The following AFF2 variants were observed in gnomAD, a reference collection of about 807,000 sequenced individuals.
AFF2 encodes ALF transcription elongation factor 2, also known as AF4/FMR2 family member 2.
In AFF2, 14 loss-of-function variants were observed where a neutral mutation model predicts 76.9. That is an observed-to-expected ratio of 0.18 (90% CI 0.12 to 0.28). The LOEUF (loss-of-function observed/expected upper bound fraction) is 0.28. AFF2 is among the 10% of genes least tolerant of loss of function. AFF2 has a pLI of 1.00. For synonymous variants in AFF2, 398 were observed against 366.7 expected (o/e 1.09, Z -0.98); for missense variants, 868 against 1,001.1 (o/e 0.87, Z 1.79).
intron 19 of AFF2, among the ~76,000 whole-genome samples, chrX:148,984,795 C>G (rs1360067625): frequency 9.0e-6 from 1 of 111,325 alleles, no homozygotes; most frequent in Non-Finnish European, 1.9e-5. Flanking sequence ...TCCTGTGACT[C>G]CTGGACATGA....
At chrX:148,654,153 A>C (rs2054228974) in intron 2 of AFF2, among the ~76,000 whole-genome samples, 1 of 111,862 alleles carries the variant, frequency 8.9e-6, no homozygotes, top group South Asian at 3.8e-4. Flanking sequence ...ACTCCAAAGG[A>C]ATGATCAGAG....
intron 1 of AFF2, among the ~76,000 whole-genome samples, chrX:148,522,465 A>G (rs782379405): frequency 8.0e-5 from 9 of 112,604 alleles, no homozygotes; most frequent in Non-Finnish European, 1.5e-4. Context: ...CATTGTGTCT[A>G]CAAAGCAATA....
chrX:148,904,820 A>C (rs2071390852), intron 9 of AFF2, among the ~76,000 whole-genome samples: 1 of 112,415 alleles, frequency 8.9e-6, no homozygotes, highest in Non-Finnish European at 1.9e-5. Flanking sequence ...TAAACAAGCT[A>C]CACAGACCTC....
chrX:148,773,641 A>G (rs12392559), intron 3 of AFF2, among the ~76,000 whole-genome samples: 1 of 99,517 alleles, frequency 1.0e-5, no homozygotes, highest in Non-Finnish European at 2.0e-5. Context: ...AAGGAAGGAA[A>G]GGAGGGAGGG....
At chrX:148,841,894 ATCT>A (rs1339206587) in intron 5 of AFF2, among the ~76,000 whole-genome samples, 1 of 111,713 alleles carries the variant, frequency 9.0e-6, no homozygotes, top group East Asian at 2.8e-4. Flanking sequence ...GTTTGTGGTA[ATCT>A]TCTGGAGTGG....
At chrX:148,981,749 C>A (rs1186368938) in intron 19 of AFF2, among the ~76,000 whole-genome samples, 1 of 112,286 alleles carries the variant, frequency 8.9e-6, no homozygotes, top group Admixed American at 9.4e-5. Flanking sequence ...ATTCCTGCAT[C>A]TCTGATCAAA....
intron 3 of AFF2, among the ~76,000 whole-genome samples, chrX:148,671,559 T>C (rs2054423618): frequency 9.0e-6 from 1 of 111,299 alleles, no homozygotes; most frequent in Non-Finnish European, 1.9e-5. Context: ...AGCCCAAACC[T>C]ATCTTGTTTG....
chrX:148,550,420 C>T (rs1557238735), intron 1 of AFF2, among the ~76,000 whole-genome samples: 3 of 111,465 alleles, frequency 2.7e-5, no homozygotes, highest in African/African-American at 9.8e-5. Flanking sequence ...AATTTTTCTT[C>T]TTTGTACTTT....
At chrX:148,673,702 G>A (rs2054449469) in intron 3 of AFF2, among the ~76,000 whole-genome samples, 1 of 111,805 alleles carries the variant, frequency 8.9e-6, no homozygotes, top group South Asian at 3.7e-4. Context: ...TAAGAATAGA[G>A]GGAGTCTATG....
intron 3 of AFF2, among the ~76,000 whole-genome samples, chrX:148,729,019 A>G (rs2055191904): frequency 8.9e-6 from 1 of 112,239 alleles, no homozygotes; most frequent in South Asian, 3.7e-4. Flanking sequence ...GCCTGTGTCT[A>G]CACACGTAGT....
intron 3 of AFF2, among the ~76,000 whole-genome samples, chrX:148,757,828 G>A (rs1251724991): frequency 1.8e-5 from 2 of 111,756 alleles, no homozygotes; most frequent in Non-Finnish European, 3.8e-5. Context: ...ATTCAAAAAG[G>A]TTAAACTCTC....
At chrX:148,964,637 C>A (rs1039310084) in intron 13 of AFF2, among the ~76,000 whole-genome samples, 14 of 111,337 alleles carry the variant, frequency 1.3e-4, no homozygotes, top group African/African-American at 4.6e-4. Flanking sequence ...GCGCCTAAGG[C>A]AAAGGGTAAA....
intron 1 of AFF2, among the ~76,000 whole-genome samples, chrX:148,527,041 C>T (rs1173227529): frequency 1.8e-5 from 2 of 111,826 alleles, no homozygotes; most frequent in African/African-American, 6.5e-5. Flanking sequence ...AAGTATTTCC[C>T]TACAAAATAT....
At chrX:148,880,097 A>G (rs971455987) in intron 7 of AFF2, among the ~76,000 whole-genome samples, 2 of 112,192 alleles carry the variant, frequency 1.8e-5, no homozygotes, top group Admixed American at 9.4e-5. Context: ...GTTCCTATAG[A>G]GTATAATACA....
At chrX:148,674,811 C>T (rs1376313596) in intron 3 of AFF2, among the ~76,000 whole-genome samples, 1 of 111,815 alleles carries the variant, frequency 8.9e-6, no homozygotes, top group Non-Finnish European at 1.9e-5. Context: ...CTAGGCCAAA[C>T]CCAATTGACA....
chrX:148,763,850 T>A (rs1557267502), intron 3 of AFF2, among the ~76,000 whole-genome samples: 3 of 112,042 alleles, frequency 2.7e-5, no homozygotes, highest in Non-Finnish European at 5.6e-5. Context: ...AAGCATAGCA[T>A]GCAAGGTGTC....
At chrX:148,938,429 C>G (rs1316856232) in intron 9 of AFF2, among the ~76,000 whole-genome samples, 1 of 112,075 alleles carries the variant, frequency 8.9e-6, no homozygotes, top group African/African-American at 3.2e-5. Flanking sequence ...ATTACATTCT[C>G]CATATCTTTA....
chrX:148,805,575 G>T (rs1225562557), intron 3 of AFF2, among the ~76,000 whole-genome samples: 1 of 112,427 alleles, frequency 8.9e-6, no homozygotes, highest in East Asian at 2.8e-4. Context: ...TCGCTAAGAA[G>T]TATGCTCCAA....
intron 3 of AFF2, among the ~76,000 whole-genome samples, chrX:148,786,075 G>A (rs1603300602): frequency 8.9e-6 from 1 of 111,824 alleles, no homozygotes. Context: ...TTAGCACCAT[G>A]CCTAGCCCAT....
Sources: gnomAD v4.1 joint callset for allele counts (sites outside exome capture counted in the v4.1 genomes callset) on GRCh38, gnomAD v4.1.1 for gene constraint, MANE v1.5 for transcripts, NCBI Gene and HGNC (gene_info 2026-07-23, HGNC 2026-07-21) for gene names.